The following RBM33 variants were observed in gnomAD, a reference collection of about 807,000 sequenced individuals.
RBM33 encodes RNA-binding protein 33.
In RBM33, 28 loss-of-function variants were observed where a neutral mutation model predicts 132.6. That is an observed-to-expected ratio of 0.21 (90% CI 0.16 to 0.29). The LOEUF (loss-of-function observed/expected upper bound fraction) is 0.29, where lower values mean the gene tolerates loss of function less well. Ranked by LOEUF, RBM33 falls within the 10% of genes least tolerant of loss-of-function variation. RBM33 has a pLI of 1.00. For synonymous variants in RBM33, 634 were observed against 593.0 expected (o/e 1.07, Z -1.01); for missense variants, 1,291 against 1,518.5 (o/e 0.85, Z 2.49).
chr7:155,729,230 A>G (rs1347462976), intron 9 of RBM33, among the ~76,000 whole-genome samples: 1 of 152,056 alleles, frequency 6.6e-6, no homozygotes, highest in Non-Finnish European at 1.5e-5. Context: ...AACTGCCCCC[A>G]TGATCCAGTC....
intron 14 of RBM33, among the ~76,000 whole-genome samples, chr7:155,748,083 C>G (rs1801575801): frequency 6.6e-6 from 1 of 152,198 alleles, no homozygotes; most frequent in Admixed American, 6.5e-5. Flanking sequence ...GAGGGCTGAG[C>G]AGACCTTGGC....
At chr7:155,665,801 A>G (rs1798785274) in intron 2 of RBM33, among the ~76,000 whole-genome samples, 1 of 152,240 alleles carries the variant, frequency 6.6e-6, no homozygotes, top group African/African-American at 2.4e-5. Flanking sequence ...TACCTCTGGC[A>G]AGGAGTTAAT....
rs375028230 is a variant in RBM33, at chr7:155,738,161, C to G, written c.1495C>G (p.Pro499Ala). The G allele has an allele frequency of 1.5e-5, 24 of 1,613,996 alleles. No homozygotes were observed. Among genetic ancestry groups the G allele is most frequent in the Non-Finnish European group, 2.0e-5 (24 of 1,179,872 alleles). The change falls in exon 11 of 18, where the codon CCT becomes GCT. Residue 499 changes from proline to alanine, a missense_variant. Pro to Ala is a conservative substitution (Grantham distance 27). This residue lies in a region of RBM33 where 841 missense variants were observed against 912.0 expected (regional missense o/e 0.92). Transcript: ENST00000401878. ...PTLLNSSHPV[P>A]TQSPLPFTQP... is the part of the protein sequence containing the mutation. ...CCTTCTTAACAGTAGCCATCCTGTT[C>G]CTACTCAGAGTCCTCTACCATTCAC...
chr7:155,706,529 C>G (rs1032083044), intron 6 of RBM33, among the ~76,000 whole-genome samples: 2 of 151,984 alleles, frequency 1.3e-5, no homozygotes, highest in African/African-American at 4.8e-5. Flanking sequence ...AATGCCTTGT[C>G]GTGTGAGGGC....
Position 155,733,672 on chromosome 7 carries a change from A to C in RBM33, c.1261-3858A>C, listed in dbSNP as rs901804787. Among the ~76,000 whole-genome samples the C allele has an allele frequency of 5.9e-5, 9 of 152,284 alleles. 1 individual carries two copies. The highest frequency in any genetic ancestry group is 8.8e-5 in the Non-Finnish European group (6 of 68,014). On this transcript the variant is annotated intron_variant, in intron 9 of 17. Coordinates refer to ENST00000401878, the MANE Select transcript of RBM33 (RefSeq NM_053043.3). ...TTCTTGACTGGCCCTTAAGTTCTGC[A>C]AGAATCCCTGCAGTTGTCAGTCACT...
intron 3 of RBM33, among the ~76,000 whole-genome samples, chr7:155,673,565 CAT>C (rs372950895): frequency 3.9e-5 from 3 of 77,032 alleles, no homozygotes; most frequent in East Asian, 6.3e-4. Context: ...TATATACACA[CAT>C]ATACATACAC....
intron 2 of RBM33, among the ~76,000 whole-genome samples, chr7:155,670,113 T>G (rs534494215): frequency 6.6e-6 from 1 of 152,356 alleles, no homozygotes; most frequent in South Asian, 2.1e-4. Context: ...AAAAACGTCT[T>G]TGAGGATAAC....
Position 155,775,650 on chromosome 7 carries a change from ACT to A in RBM33, c.*610_*611del. 6.3e-6 allele frequency: 1 copy of A among 157,778 alleles called. No homozygotes were observed. Among genetic ancestry groups the A allele is most frequent in the East Asian group, 1.8e-4 (1 of 5,412 alleles). 9.8% of individuals were successfully genotyped at this position (157,778 alleles called of 1,614,324 possible). On this transcript the variant is annotated 3_prime_UTR_variant, in exon 18 of 18. Transcript: ENST00000401878. ...TGAACAGCAGATTCTGCTTCTTGTC[ACT>A]GTTTCAAAAGCGTCAACTCTGTGTT...
chr7:155,684,951 G>C (rs1419663187), intron 5 of RBM33: 1 of 1,550,334 alleles, frequency 6.5e-7, no homozygotes, highest in African/African-American at 1.4e-5. Context: ...ATACTTGCAG[G>C]CTTATGGTGG....
intron 2 of RBM33, 78 bp from the exon 3 acceptor site, chr7:155,672,789 G>T: frequency 1.0e-6 from 1 of 969,936 alleles, no homozygotes; most frequent in Non-Finnish European, 1.5e-6. Context: ...TAGAGTTCTT[G>T]GTAAATTTCC....
Position 155,711,247 on chromosome 7 carries a change from G to T in RBM33, c.993G>T (p.Pro331=), listed in dbSNP as rs778741623. Residue 331 remains proline, a synonymous_variant, in exon 8 of 18, where the codon CCG becomes CCT. Coordinates refer to ENST00000401878, the MANE Select transcript of RBM33 (RefSeq NM_053043.3). The stretch of plus-strand genomic sequence containing the variant: ...CGCCACCGCCGCCTCAGCAGCAGCC[G>T]ATCAGAAGCCTGTTCCAGCCGCAGC... The part of the protein sequence containing the change: ...PPPPPPPQQQ[P]IRSLFQPQPL... The T allele has an allele frequency of 5.0e-6, 8 of 1,597,302 alleles. No homozygotes were observed. Among genetic ancestry groups the T allele is most frequent in the Admixed American group, 1.7e-5 (1 of 57,448 alleles).
At chr7:155,654,207 C>G (rs574088392) in intron 1 of RBM33, among the ~76,000 whole-genome samples, 1 of 152,276 alleles carries the variant, frequency 6.6e-6, no homozygotes, top group Non-Finnish European at 1.5e-5. Flanking sequence ...ATTGACTTCT[C>G]CTTCCTTGTT....
intron 1 of RBM33, among the ~76,000 whole-genome samples, chr7:155,660,762 G>T (rs1798617407): frequency 6.6e-6 from 1 of 152,170 alleles, no homozygotes; most frequent in Non-Finnish European, 1.5e-5. Flanking sequence ...CCTTCTGGAT[G>T]TATAGATAAA....
At position 155,742,012 on chromosome 7, in the gene RBM33, C is replaced by T. The variant is rs902655495; in HGVS notation, c.2243C>T (p.Ala748Val). ...VSASPPSRAV[A>V]GSRSSQGKTE... is the part of the protein sequence containing the mutation. ...GCGTCACCACCCTCGCGGGCCGTGG[C>T]GGGTTCCAGAAGCTCACAGGGAAAG... The change falls in exon 13 of 18, where the codon GCG (alanine) becomes GTG (valine). Residue 748 changes from alanine (A) to valine (V), a missense_variant. Around this residue, in one of 7 missense-constraint regions of RBM33, gnomAD observed 841 missense variants for 912.0 expected, o/e 0.92. Coordinates refer to ENST00000401878, the MANE Select transcript of RBM33 (RefSeq NM_053043.3). The T allele has an allele frequency of 1.9e-6, 3 of 1,613,878 alleles. No homozygotes were observed. The highest frequency in any genetic ancestry group is 2.2e-5 in the East Asian group (1 of 44,890).
At chr7:155,685,022 T>C in intron 5 of RBM33, 7 of 1,550,430 alleles carry the variant, frequency 4.5e-6, no homozygotes, top group Non-Finnish European at 6.1e-6. Flanking sequence ...ATGAGATTAC[T>C]GATGCCCAGG....
intron 14 of RBM33, among the ~76,000 whole-genome samples, chr7:155,748,797 G>A (rs1025498359): frequency 6.6e-6 from 1 of 151,976 alleles, no homozygotes; most frequent in African/African-American, 2.4e-5. Context: ...TGCAGTATGC[G>A]TGTGCATAGG....
intron 16 of RBM33, among the ~76,000 whole-genome samples, chr7:155,770,895 G>C (rs1483640286): frequency 6.6e-6 from 1 of 152,220 alleles, no homozygotes. Flanking sequence ...TACGGTTCTG[G>C]ATGGGATTGC....
chr7:155,777,826 A>G lies in RBM33; in HGVS notation c.*2785A>G, dbSNP rs1277376228. ...TTTTTATAAAGATGGTAGTAAGTCA[A>G]TACATTTATCCTGATCTGTGTATTA... is the stretch of plus-strand genomic sequence containing the variant. On this transcript the variant is annotated 3_prime_UTR_variant, in exon 18 of 18. Coordinates refer to ENST00000401878, the MANE Select transcript of RBM33 (RefSeq NM_053043.3). The G allele has an allele frequency of 2.6e-5, 4 of 152,666 alleles. No homozygotes were observed. Among genetic ancestry groups the G allele is most frequent in the East Asian group, 1.9e-4 (1 of 5,200 alleles). The allele number at this position is 152,666 out of a possible 1,614,324, so 9.5% of individuals were successfully genotyped here.
intron 5 of RBM33, among the ~76,000 whole-genome samples, chr7:155,693,169 A>G (rs913053909): frequency 3.9e-5 from 6 of 152,322 alleles, no homozygotes; most frequent in Middle Eastern, 3.4e-3. Context: ...TTGTATTCCA[A>G]TATTTTCTGA....
Sources: allele counts gnomAD v4.1 joint callset (sites outside exome capture counted in the v4.1 genomes callset), GRCh38; gene constraint gnomAD v4.1.1; regional missense constraint gnomAD v4.1.1; transcripts MANE v1.5; gene names NCBI Gene and HGNC (gene_info 2026-07-23, HGNC 2026-07-21).